The following CRISP3 variants were observed in gnomAD, a reference collection of about 807,000 sequenced individuals.
CRISP3 encodes the protein cysteine-rich secretory protein 3.
Under a neutral mutation model 36.1 loss-of-function variants are expected in CRISP3, and 33 were observed. The ratio of observed to expected loss-of-function variants is 0.91; its 90% CI spans 0.69 to 1.22. The LOEUF (loss-of-function observed/expected upper bound fraction) is 1.22, where lower values mean the gene tolerates loss of function less well. CRISP3 is among the 50% of genes most tolerant of loss of function. CRISP3 has a pLI of 0.00. For missense variants in CRISP3, 330 were observed against 301.2 expected, an observed-to-expected ratio of 1.10 and a Z score of -0.71; for synonymous variants, 117 against 104.6, an observed-to-expected ratio of 1.12 and a Z score of -0.72.
Position 49,743,135 on chromosome 6 carries a change from G to A in CRISP3, c.37+1196C>T, listed in dbSNP as rs185295643. Among the ~76,000 whole-genome samples the A allele has an allele frequency of 1.6e-3, 236 of 152,252 alleles. 2 individuals are homozygous for A. Among genetic ancestry groups the A allele is most frequent in the Non-Finnish European group, 7.4e-4 (50 of 68,006 alleles). ...CTTCATCAAGTAAGAAATTCGTAAA[G>A]ATATCCAAATAAGAATAGCTGTCTT... On this transcript the variant is annotated intron_variant, in intron 1 of 7. Transcript: ENST00000263045.
chr6:49,741,917 T>C (rs1769214940), intron 1 of CRISP3, among the ~76,000 whole-genome samples: 1 of 148,146 alleles, frequency 6.8e-6, no homozygotes, highest in Non-Finnish European at 1.5e-5. Flanking sequence ...ATATATAAAA[T>C]ATTTGTAACT....
chr6:49,733,277 A>G lies in CRISP3; in HGVS notation c.478T>C (p.Ser160Pro), dbSNP rs1582191373. The G allele has an allele frequency of 1.9e-6, 3 of 1,608,816 alleles. No individual in the cohort carries two copies. The East Asian group carries it at 6.7e-5, about 36-fold the overall frequency. Residue 160 changes from serine (S) to proline (P), a missense_variant, in exon 6 of 8, where the codon TCA becomes CCA. By Grantham distance (74) the Ser-to-Pro change is moderately conservative (BLOSUM62 -1). Coordinates refer to ENST00000263045, the MANE Select transcript of CRISP3 (RefSeq NM_006061.4). ...GHYTQVVWYSSYLVGCGNAYC... is the reference protein window; with the variant it reads ...GHYTQVVWYSPYLVGCGNAYC... ...GCATTTCCACATCCAACGAGGTATGAAGAGTACCAAACAACCTATAAACCA... is the reference window on the plus strand; with the variant it reads ...GCATTTCCACATCCAACGAGGTATGGAGAGTACCAAACAACCTATAAACCA...
At chr6:49,732,860 G>A (rs568507323) in intron 6 of CRISP3, among the ~76,000 whole-genome samples, 37 of 152,196 alleles carry the variant, frequency 2.4e-4, no homozygotes, top group South Asian at 1.7e-3. Flanking sequence ...CCAGTTTCTC[G>A]TGTGTAAACT....
intron 3 of CRISP3, 26 bp from the exon 4 acceptor site, chr6:49,735,617 T>A (rs1006373976): frequency 1.4e-5 from 22 of 1,566,858 alleles, no homozygotes; most frequent in Admixed American, 1.7e-5. Flanking sequence ...AAAAAAGATA[T>A]CCACTTAATG....
intron 1 of CRISP3, among the ~76,000 whole-genome samples, chr6:49,740,245 T>G (rs1769164172): frequency 6.6e-6 from 1 of 152,232 alleles, no homozygotes; most frequent in Non-Finnish European, 1.5e-5. Flanking sequence ...GCATATTGAC[T>G]GACAACATAT....
At chr6:49,735,279 G>A (rs1769013170) in intron 4 of CRISP3, among the ~76,000 whole-genome samples, 1 of 152,062 alleles carries the variant, frequency 6.6e-6, no homozygotes, top group South Asian at 2.1e-4. Context: ...AGCTGATTGA[G>A]AGGTAAAAAT....
intron 1 of CRISP3, among the ~76,000 whole-genome samples, chr6:49,741,585 G>C (rs1361073763): frequency 7.1e-6 from 1 of 141,234 alleles, no homozygotes; most frequent in Non-Finnish European, 1.5e-5. Flanking sequence ...CAAAAAATAC[G>C]TCATTAAATT....
At chr6:49,733,080 AT>A (rs1163052041) in intron 6 of CRISP3, 114 bp downstream of exon 6, 3 of 558,762 alleles carry the variant, frequency 5.4e-6, no homozygotes, top group Non-Finnish European at 5.9e-6. Flanking sequence ...TTTAGAAAAC[AT>A]TTCTAAAGAT....
At chr6:49,734,676 T>C (rs951097180) in intron 4 of CRISP3, among the ~76,000 whole-genome samples, 2 of 152,136 alleles carry the variant, frequency 1.3e-5, no homozygotes, top group Non-Finnish European at 2.9e-5. Context: ...CTCGTGACCA[T>C]AGTTACCCCC....
Position 49,733,242 on chromosome 6 carries a change from G to A in CRISP3, c.513C>T (p.Pro171=), listed in dbSNP as rs373290829. ...AGTAGTATTTTAGAACTTTTTGATTGGGACAGTAGGCATTTCCACATCCAA... is the reference window on the plus strand; with the variant it reads ...AGTAGTATTTTAGAACTTTTTGATTAGGACAGTAGGCATTTCCACATCCAA... ...YLVGCGNAYC[P]NQKVLKYYYV... The change falls in exon 6 of 8, where the codon CCC becomes CCT. Residue 171 remains proline (P), a synonymous_variant. Transcript: ENST00000263045. 6.2e-7 allele frequency: 1 copy of A among 1,610,730 alleles called. No individual in the cohort carries two copies. The highest frequency in any genetic ancestry group is 8.5e-7 in the Non-Finnish European group (1 of 1,178,244).
intron 4 of CRISP3, among the ~76,000 whole-genome samples, chr6:49,734,357 A>G (rs1768990160): frequency 6.6e-6 from 1 of 152,166 alleles, no homozygotes; most frequent in Admixed American, 6.5e-5. Flanking sequence ...AGAGCCCTAA[A>G]CATGAAGCAA....
intron 1 of CRISP3, among the ~76,000 whole-genome samples, chr6:49,743,710 A>T (rs369728649): frequency 5.3e-5 from 8 of 152,236 alleles, no homozygotes; most frequent in African/African-American, 1.9e-4. Flanking sequence ...TGCACGATAG[A>T]TATTATATTT....
intron 4 of CRISP3, among the ~76,000 whole-genome samples, chr6:49,734,141 A>G (rs182963307): frequency 1.3e-5 from 2 of 152,192 alleles, no homozygotes; most frequent in East Asian, 3.9e-4. Context: ...GGATTCATTT[A>G]TTTACACATT....
intron 1 of CRISP3, among the ~76,000 whole-genome samples, chr6:49,742,209 G>C (rs1769223198): frequency 6.6e-6 from 1 of 152,122 alleles, no homozygotes; most frequent in African/African-American, 2.4e-5. Context: ...TGAATAAATT[G>C]AGAGTTTTGT....
At chr6:49,730,935 A>C (rs555119572) in intron 7 of CRISP3, among the ~76,000 whole-genome samples, 6 of 152,298 alleles carry the variant, frequency 3.9e-5, no homozygotes, top group African/African-American at 1.4e-4. Flanking sequence ...CCAGCTACTC[A>C]GGAGGCTGAG....
chr6:49,733,130 T>A lies in CRISP3; in HGVS notation c.560+65A>T, dbSNP rs1768956006. 8 of 967,166 alleles carry A rather than the reference T, an allele frequency of 8.3e-6. No homozygotes were observed. The East Asian group carries it at 2.1e-4, about 26-fold the overall frequency. The allele number at this position is 967,166 out of a possible 1,614,324, so 59.9% of individuals were successfully genotyped here. A position where few individuals can be genotyped will look rare whatever the true frequency, so the allele number is the denominator to read the frequency against. ...CTTTACTTAAATATGCTTTTTAGTT[T>A]TTTTTTATTAAATGTTAAATTGTAT... On this transcript the variant is annotated intron_variant, in intron 6 of 7. Coordinates refer to ENST00000263045, the MANE Select transcript of CRISP3 (RefSeq NM_006061.4).
chr6:49,733,611 C>T (rs1768968132), intron 5 of CRISP3, 92 bp downstream of exon 5: 20 of 1,337,490 alleles, frequency 1.5e-5, no homozygotes, highest in Non-Finnish European at 2.0e-5. Flanking sequence ...TGAAATTTTC[C>T]CCAAATTCAA....
intron 1 of CRISP3, 89 bp from the exon 2 acceptor site, chr6:49,737,487 G>T (rs1769088182): frequency 1.5e-6 from 2 of 1,341,434 alleles, no homozygotes; most frequent in East Asian, 4.7e-5. Context: ...GAAACGTAAT[G>T]ACCTCCATTA....
At chr6:49,735,412 T>C in intron 4 of CRISP3, 92 bp downstream of exon 4, 1 of 951,976 alleles carries the variant, frequency 1.1e-6, no homozygotes, top group Non-Finnish European at 1.6e-6. Flanking sequence ...AGAAGCAATA[T>C]TTATTTACAA....
Sources: allele counts gnomAD v4.1 joint callset (sites outside exome capture counted in the v4.1 genomes callset), GRCh38; gene constraint gnomAD v4.1.1; transcripts MANE v1.5; gene names NCBI Gene and HGNC (gene_info 2026-07-23, HGNC 2026-07-21).